The following LRRC4C variants were observed in gnomAD, a reference collection of about 807,000 sequenced individuals.
The protein encoded by LRRC4C is leucine rich repeat containing 4C.
Under a neutral mutation model 33.6 loss-of-function variants are expected in LRRC4C, and 5 were observed. The observed-to-expected ratio is 0.15, with a 90% CI of 0.08 to 0.31. The LOEUF (loss-of-function observed/expected upper bound fraction) is 0.31, where lower values mean the gene tolerates loss of function less well. LRRC4C is among the 10% of genes least tolerant of loss of function. The pLI, the probability that LRRC4C is intolerant of heterozygous loss-of-function variation, is 1.00. For missense variants in LRRC4C, 560 were observed against 796.7 expected, an observed-to-expected ratio of 0.70 and a Z score of 3.58; for synonymous variants, 329 against 302.0, an observed-to-expected ratio of 1.09 and a Z score of -0.93.
intron 1 of LRRC4C, among the ~76,000 whole-genome samples, chr11:41,348,060 C>T (rs1951856525): frequency 6.6e-6 from 1 of 152,176 alleles, no homozygotes; most frequent in Admixed American, 6.6e-5. Context: ...TCTACAAAAT[C>T]TTCCCTAATG....
intron 1 of LRRC4C, among the ~76,000 whole-genome samples, chr11:41,367,721 C>A (rs1230198529): frequency 6.6e-6 from 1 of 152,062 alleles, no homozygotes; most frequent in African/African-American, 2.4e-5. Flanking sequence ...AGAAATCTGA[C>A]TGAAGCATGC....
intron 6 of LRRC4C, among the ~76,000 whole-genome samples, chr11:40,122,883 T>G (rs567571917): frequency 5.6e-4 from 84 of 149,846 alleles, no homozygotes; most frequent in Admixed American, 1.8e-3. Context: ...AATATATATA[T>G]ATAGATAGAT....
intron 1 of LRRC4C, among the ~76,000 whole-genome samples, chr11:41,201,606 A>G (rs537751720): frequency 6.6e-6 from 1 of 152,242 alleles, no homozygotes; most frequent in Admixed American, 6.5e-5. Flanking sequence ...ATCTGTGAGG[A>G]ATCTTCCCCA....
chr11:40,575,623 A>G (rs778420225), intron 3 of LRRC4C, among the ~76,000 whole-genome samples: 4 of 152,192 alleles, frequency 2.6e-5, no homozygotes, highest in East Asian at 3.9e-4. Flanking sequence ...AATTAGCTCT[A>G]TGAATTTAAG....
chr11:41,283,721 T>C (rs1209172459), intron 1 of LRRC4C, among the ~76,000 whole-genome samples: 1 of 152,198 alleles, frequency 6.6e-6, no homozygotes, highest in Non-Finnish European at 1.5e-5. Flanking sequence ...CTATTTACCA[T>C]CTAGCCCTTT....
At chr11:41,161,959 A>T (rs1255948389) in intron 1 of LRRC4C, among the ~76,000 whole-genome samples, 1 of 152,180 alleles carries the variant, frequency 6.6e-6, no homozygotes, top group Non-Finnish European at 1.5e-5. Context: ...TTTATTGTGG[A>T]AGGGAATGCT....
intron 2 of LRRC4C, among the ~76,000 whole-genome samples, chr11:40,865,359 G>A (rs1253875281): frequency 6.6e-6 from 1 of 152,016 alleles, no homozygotes; most frequent in Admixed American, 6.6e-5. Flanking sequence ...TTAGATAGGA[G>A]GATGATTGTA....
intron 3 of LRRC4C, among the ~76,000 whole-genome samples, chr11:40,366,589 G>GTA (rs1204865796): frequency 2.0e-5 from 3 of 151,918 alleles, no homozygotes; most frequent in Admixed American, 6.6e-5. Context: ...TATAACATAC[G>GTA]TGTATATATA....
chr11:40,452,309 A>C (rs901940272), intron 3 of LRRC4C, among the ~76,000 whole-genome samples: 11 of 152,232 alleles, frequency 7.2e-5, no homozygotes, highest in African/African-American at 2.7e-4. Context: ...TCCAGAATCT[A>C]CAAAGAACTC....
chr11:40,480,213 G>A (rs1044745102), intron 3 of LRRC4C, among the ~76,000 whole-genome samples: 7 of 151,958 alleles, frequency 4.6e-5, no homozygotes, highest in Admixed American at 1.3e-4. Flanking sequence ...TGTGTCAAAT[G>A]TATTTGACTT....
At chr11:40,832,620 C>T (rs554179099) in intron 2 of LRRC4C, among the ~76,000 whole-genome samples, 71 of 152,108 alleles carry the variant, frequency 4.7e-4, no homozygotes, top group African/African-American at 1.6e-3. Flanking sequence ...ATAAAAGCCG[C>T]GGTGGGAATC....
intron 1 of LRRC4C, among the ~76,000 whole-genome samples, chr11:40,942,212 G>T (rs1483299483): frequency 6.6e-6 from 1 of 152,116 alleles, no homozygotes; most frequent in Non-Finnish European, 1.5e-5. Context: ...GAATGGGAGT[G>T]AGCTACTAGC....
intron 3 of LRRC4C, among the ~76,000 whole-genome samples, chr11:40,386,981 G>A (rs1166739060): frequency 6.6e-6 from 1 of 151,988 alleles, no homozygotes; most frequent in Non-Finnish European, 1.5e-5. Flanking sequence ...TGACTGATAT[G>A]ATTTAATTTG....
chr11:41,404,525 A>C (rs1325320434), intron 1 of LRRC4C, among the ~76,000 whole-genome samples: 1 of 93,620 alleles, frequency 1.1e-5, no homozygotes, highest in East Asian at 3.5e-4. Flanking sequence ...CACAGACACA[A>C]AGACACACAG....
intron 2 of LRRC4C, among the ~76,000 whole-genome samples, chr11:40,858,230 A>T (rs1217969900): frequency 6.6e-6 from 1 of 152,234 alleles, no homozygotes; most frequent in Non-Finnish European, 1.5e-5. Context: ...ATCATGGCAC[A>T]AAGTTTCACT....
At chr11:40,437,596 G>A (rs11035839) in intron 3 of LRRC4C, among the ~76,000 whole-genome samples, 56,974 of 151,754 alleles carry the variant, frequency 0.38, 11,376 homozygotes, top group East Asian at 0.52. Context: ...GTTTCTCCAT[G>A]TTGACCAGGC....
chr11:40,359,689 G>C (rs1947858568), intron 3 of LRRC4C, among the ~76,000 whole-genome samples: 1 of 152,146 alleles, frequency 6.6e-6, no homozygotes, highest in South Asian at 2.1e-4. Flanking sequence ...AGTTGCTACA[G>C]GATATTATTC....
intron 3 of LRRC4C, among the ~76,000 whole-genome samples, chr11:40,635,004 A>G (rs1320257556): frequency 6.6e-6 from 1 of 152,076 alleles, no homozygotes; most frequent in African/African-American, 2.4e-5. Flanking sequence ...TTTAAAAAAA[A>G]AAACAGGGTC....
At chr11:40,670,361 A>G (rs1944028730) in intron 2 of LRRC4C, among the ~76,000 whole-genome samples, 1 of 152,228 alleles carries the variant, frequency 6.6e-6, no homozygotes, top group African/African-American at 2.4e-5. Context: ...TTGTGGCTAC[A>G]TGTAGACTTC....
Sources: gnomAD v4.1 joint callset for allele counts (sites outside exome capture counted in the v4.1 genomes callset) on GRCh38, gnomAD v4.1.1 for gene constraint, MANE v1.5 for transcripts, NCBI Gene and HGNC (gene_info 2026-07-23, HGNC 2026-07-21) for gene names.